The following CEP20 variants were observed in gnomAD, a reference collection of about 807,000 sequenced individuals.
The protein encoded by CEP20 is FGFR1OP N-terminal like.
CEP20 carries 18 observed loss-of-function variants against 20.0 expected under a neutral mutation model. The observed-to-expected ratio is 0.90, with a 90% CI of 0.62 to 1.34. The LOEUF is 1.34. Among genes scored for constraint, CEP20 ranks in the 40% most tolerant of loss-of-function variants. The pLI is 0.00. For synonymous variants in CEP20, 77 were observed against 73.7 expected, an observed-to-expected ratio of 1.04 and a Z score of -0.23; for missense variants, 215 against 201.6, an observed-to-expected ratio of 1.07 and a Z score of -0.40.
chr16:15,882,471 A>G (rs2045122414), intron 2 of CEP20, among the ~76,000 whole-genome samples: 1 of 151,992 alleles, frequency 6.6e-6, no homozygotes. Flanking sequence ...TAGACGTTGC[A>G]GTGAGCCGAG....
chr16:15,871,088 C>G (rs920685293), intron 4 of CEP20, among the ~76,000 whole-genome samples: 3 of 151,878 alleles, frequency 2.0e-5, no homozygotes, highest in Admixed American at 1.3e-4. Context: ...CACAGTGAAC[C>G]TCATCTCTAC....
At chr16:15,868,051 A>AT (rs564692460) in intron 4 of CEP20, among the ~76,000 whole-genome samples, 272 of 150,408 alleles carry the variant, frequency 1.8e-3, no homozygotes, top group African/African-American at 6.4e-3. Context: ...GAGTTTCTTG[A>AT]CTTTTTTTTT....
At chr16:15,888,484 TC>T in intron 1 of CEP20, 73 bp downstream of exon 1, 1 of 1,597,732 alleles carries the variant, frequency 6.3e-7, no homozygotes, top group Non-Finnish European at 8.6e-7. Flanking sequence ...CCGCGCGCTC[TC>T]CTCCCATCCC....
At chr16:15,875,277 TCC>T (rs1384921812) in intron 3 of CEP20, among the ~76,000 whole-genome samples, 2 of 152,284 alleles carry the variant, frequency 1.3e-5, no homozygotes, top group Admixed American at 1.3e-4. Context: ...ACTTTAATCT[TCC>T]CCAAAGTGTT....
chr16:15,883,854 T>G (rs2045171946), intron 2 of CEP20, among the ~76,000 whole-genome samples, 154 bp downstream of exon 2: 1 of 152,204 alleles, frequency 6.6e-6, no homozygotes, highest in African/African-American at 2.4e-5. Flanking sequence ...TGTAAGAATC[T>G]GTTTAAGCTA....
At chr16:15,886,120 T>G (rs1224785901) in intron 1 of CEP20, 1 of 152,250 alleles carries the variant, frequency 6.6e-6, no homozygotes, top group Non-Finnish European at 1.5e-5. Context: ...AGTTTAACAC[T>G]GTTCTGCACC....
At chr16:15,873,044 C>T (rs1315713415) in intron 4 of CEP20, among the ~76,000 whole-genome samples, 1 of 151,558 alleles carries the variant, frequency 6.6e-6, no homozygotes, top group Admixed American at 6.6e-5. Context: ...CAAATACTTA[C>T]AATTTACATG....
chr16:15,888,556 A>G lies in CEP20; in HGVS notation c.28+2T>C, dbSNP rs766043843. The stretch of plus-strand genomic sequence containing the variant: ...TGTGGAGGCCTCCCTGCTCGCACTC[A>G]CCAGCCTTCAACTCTGCCACAGTCG... On this transcript the variant is annotated splice_donor_variant, in intron 1 of 4. Coordinates refer to ENST00000255759, the MANE Select transcript of CEP20 (RefSeq NM_144600.4). LOFTEE classifies it high-confidence loss of function. 71 of 1,613,826 alleles carry G rather than the reference A, an allele frequency of 4.4e-5. No individual in the cohort carries two copies. The highest frequency in any genetic ancestry group is 1.3e-5 in the African/African-American group (1 of 74,842).
chr16:15,869,984 C>G (rs917966033), intron 4 of CEP20, among the ~76,000 whole-genome samples: 1 of 152,172 alleles, frequency 6.6e-6, no homozygotes, highest in African/African-American at 2.4e-5. Context: ...AACAGGCACC[C>G]AAGGTGGCTT....
chr16:15,869,333 CAG>C (rs1191764675), intron 4 of CEP20, among the ~76,000 whole-genome samples: 4 of 130,040 alleles, frequency 3.1e-5, no homozygotes, highest in Non-Finnish European at 4.7e-5. Flanking sequence ...TTTTTTGAGA[CAG>C]AGTCTCGCTC....
intron 1 of CEP20, among the ~76,000 whole-genome samples, chr16:15,887,097 G>A (rs139479437): frequency 0.015 from 2,206 of 151,938 alleles, 54 homozygotes; most frequent in African/African-American, 0.049. Context: ...TAAAGATGGG[G>A]TCTCACCATG....
Position 15,867,396 on chromosome 16 carries a change from A to G in CEP20, c.*44T>C, listed in dbSNP as rs557751461. 1.2e-4 allele frequency: 178 copies of G among 1,437,350 alleles called. 3 individuals are homozygous for G. In the South Asian group the frequency reaches 2.2e-3, roughly 18 times the overall value. The allele number at this position is 1,437,350 out of a possible 1,614,324, so 89.0% of individuals were successfully genotyped here. On this transcript the variant is annotated 3_prime_UTR_variant, in exon 5 of 5. Coordinates refer to ENST00000255759, the MANE Select transcript of CEP20 (RefSeq NM_144600.4). ...ATTGGGACAATAAATAAGTTATTTA[A>G]TTAATAATACAATTTTAAGACAAAA... is the stretch of plus-strand genomic sequence containing the variant.
intron 1 of CEP20, 37 bp downstream of exon 1, chr16:15,888,521 A>C: frequency 1.2e-6 from 2 of 1,613,794 alleles, no homozygotes; most frequent in Non-Finnish European, 1.7e-6. Flanking sequence ...TGAAGGCCCG[A>C]CGCTTCCCAT....
intron 3 of CEP20, among the ~76,000 whole-genome samples, chr16:15,878,682 T>G (rs370123811): frequency 6.6e-6 from 1 of 152,078 alleles, no homozygotes; most frequent in Non-Finnish European, 1.5e-5. Context: ...TTATTTTTAG[T>G]AGAGATGGGG....
At chr16:15,876,278 C>T (rs1325606115) in intron 3 of CEP20, among the ~76,000 whole-genome samples, 2 of 151,244 alleles carry the variant, frequency 1.3e-5, no homozygotes. Flanking sequence ...GAGATCGAGA[C>T]CATCCTGGCT....
At chr16:15,888,131 G>A (rs1243083388) in intron 1 of CEP20, among the ~76,000 whole-genome samples, 5 of 150,774 alleles carry the variant, frequency 3.3e-5, no homozygotes, top group African/African-American at 9.8e-5. Context: ...TTGTTGTAAG[G>A]ACCCAACGAG....
chr16:15,879,769 C>A, intron 3 of CEP20, 35 bp downstream of exon 3: 1 of 1,233,462 alleles, frequency 8.1e-7, no homozygotes, highest in Non-Finnish European at 1.2e-6. Context: ...TGACTCAATA[C>A]AATATGTGGA....
intron 2 of CEP20, among the ~76,000 whole-genome samples, chr16:15,883,616 C>T (rs563907890): frequency 6.8e-4 from 104 of 152,210 alleles, no homozygotes; most frequent in African/African-American, 2.2e-3. Context: ...AATCTTGCCT[C>T]GGCCTCCCAA....
intron 3 of CEP20, among the ~76,000 whole-genome samples, chr16:15,875,860 A>G (rs1476908326): frequency 1.3e-5 from 2 of 152,172 alleles, no homozygotes; most frequent in Non-Finnish European, 2.9e-5. Context: ...GCACTTTGGG[A>G]GGCCAAGGCA....
Sources: gnomAD v4.1 joint callset for allele counts (sites outside exome capture counted in the v4.1 genomes callset) on GRCh38, gnomAD v4.1.1 for gene constraint, MANE v1.5 for transcripts, NCBI Gene and HGNC (gene_info 2026-07-23, HGNC 2026-07-21) for gene names.